Variants in LRIG3 observed in about 807,000 individuals in gnomAD.
The protein encoded by LRIG3 is leucine-rich repeats and immunoglobulin-like domains protein 3.
LRIG3 carries 76 observed loss-of-function variants against 114.5 expected under a neutral mutation model. The ratio of observed to expected loss-of-function variants is 0.66; its 90% CI spans 0.55 to 0.80. The LOEUF (loss-of-function observed/expected upper bound fraction) is 0.80. Among genes scored for constraint, LRIG3 ranks in the 30% least tolerant of loss-of-function variants. The pLI is 0.00. For synonymous variants in LRIG3, 512 were observed against 519.8 expected, an observed-to-expected ratio of 0.98 and a Z score of 0.20; for missense variants, 1,239 against 1,382.8, an observed-to-expected ratio of 0.90 and a Z score of 1.65.
Position 58,874,556 on chromosome 12 carries a change from T to G in LRIG3, c.2713A>C (p.Asn905His), listed in dbSNP as rs757465056. The G allele has an allele frequency of 5.6e-6, 9 of 1,614,228 alleles. No homozygotes were observed. The Admixed American group carries it at 1.5e-4, about 27-fold the overall frequency. ...HDSSGTCHID[N>H]SSEADVEAAT... ...GCTTCCACATCAGCTTCACTGCTAT[T>G]GTCAATATGGCAGGTCCCTTTGAAA... The change falls in exon 17 of 19, where the codon AAT becomes CAT. Residue 905 changes from asparagine (N) to histidine (H), a missense_variant. Physicochemically the swap from Asn to His is moderately conservative, Grantham distance 68. Transcript: ENST00000320743.
At chr12:58,916,359 T>C (rs61921902) in intron 1 of LRIG3, among the ~76,000 whole-genome samples, 4,383 of 152,194 alleles carry the variant, frequency 0.029, 124 homozygotes, top group East Asian at 0.1. Flanking sequence ...CTACATTATA[T>C]GTAGGAGGAA....
chr12:58,872,643 T>C lies in LRIG3; in HGVS notation c.3289A>G (p.Ile1097Val), dbSNP rs763906333. 4 of 1,614,036 alleles carry C rather than the reference T, an allele frequency of 2.5e-6. No individual in the cohort carries two copies. Among genetic ancestry groups the C allele is most frequent in the Admixed American group, 1.7e-5 (1 of 60,006 alleles). The change falls in exon 19 of 19, where the codon ATT becomes GTT. Residue 1097 changes from isoleucine (I) to valine (V), a missense_variant. Ile to Val is a conservative substitution (Grantham distance 29). Coordinates refer to ENST00000320743, the MANE Select transcript of LRIG3 (RefSeq NM_153377.5). ...TCTAAAGTCTGTTTAAAGGTACAAA[T>C]GTGATTTTCTTCCTGAAAATCTGTC... is the stretch of plus-strand genomic sequence containing the variant. The part of the protein sequence containing the change: ...ERTDFQEENH[I>V]CTFKQTLENY...
intron 15 of LRIG3, 57 bp downstream of exon 15, chr12:58,877,343 G>A: frequency 6.5e-7 from 1 of 1,541,130 alleles, no homozygotes; most frequent in South Asian, 1.2e-5. Context: ...AGAAGTATTT[G>A]CAGAACCACA....
rs767026769 is a variant in LRIG3 at position 58,888,315 on chromosome 12, A to G, written c.947+14T>C. 1.2e-6 allele frequency: 2 copies of G among 1,609,458 alleles called. No individual in the cohort carries two copies. The highest frequency in any genetic ancestry group is 1.1e-5 in the South Asian group (1 of 90,922). The stretch of plus-strand genomic sequence containing the variant: ...GCTCTCAAACCTGAGGAGAATAAAT[A>G]AAAGGCAACTCACAGCTCACTGAGC... On this transcript the variant is annotated intron_variant, in intron 7 of 18. Transcript: ENST00000320743.
intron 14 of LRIG3, among the ~76,000 whole-genome samples, chr12:58,878,082 A>G (rs1248143234): frequency 6.6e-6 from 1 of 152,278 alleles, no homozygotes; most frequent in African/African-American, 2.4e-5. Context: ...TTAAAATCTC[A>G]GCTTCCCTCA....
At chr12:58,873,876 A>G (rs1220673185) in intron 18 of LRIG3, 179 bp downstream of exon 18, 16 of 696,314 alleles carry the variant, frequency 2.3e-5, no homozygotes, top group Non-Finnish European at 3.7e-5. Context: ...ATCATCAAGT[A>G]AAATCCCACC....
chr12:58,919,331 T>C (rs772178362), intron 1 of LRIG3: 193 of 1,516,828 alleles, frequency 1.3e-4, no homozygotes, highest in Non-Finnish European at 1.6e-4. Context: ...TCTGAGGAGC[T>C]ACAGAAATCA....
chr12:58,879,723 T>C (rs1392095433), intron 13 of LRIG3, among the ~76,000 whole-genome samples: 1 of 152,236 alleles, frequency 6.6e-6, no homozygotes, highest in Non-Finnish European at 1.5e-5. Context: ...CTGTTAACAG[T>C]GGCTAACAGT....
At chr12:58,888,240 G>A (rs1281245740) in intron 7 of LRIG3, 89 bp downstream of exon 7, 1 of 1,456,148 alleles carries the variant, frequency 6.9e-7, no homozygotes, top group Non-Finnish European at 9.2e-7. Flanking sequence ...ACTTTGTTAT[G>A]AAAATTTCAC....
chr12:58,893,765 AC>A (rs1375234601), intron 3 of LRIG3, among the ~76,000 whole-genome samples: 2 of 152,198 alleles, frequency 1.3e-5, no homozygotes, highest in Non-Finnish European at 2.9e-5. Flanking sequence ...ATGTCCTCCT[AC>A]AAACACTGGA....
chr12:58,890,745 C>T lies in LRIG3; in HGVS notation c.435G>A (p.Gln145=). 2 of 1,605,748 alleles carry T rather than the reference C, an allele frequency of 1.2e-6. No homozygotes were observed. The highest frequency in any genetic ancestry group is 8.5e-7 in the Non-Finnish European group (1 of 1,176,532). The change falls in exon 4 of 19, where the codon CAG becomes CAA. Residue 145 remains glutamine, a synonymous_variant. Coordinates refer to ENST00000320743, the MANE Select transcript of LRIG3 (RefSeq NM_153377.5). The part of the protein sequence containing the change: ...EILPEHLKEF[Q]SLETLDLSSN... ...TGCTAAGGTCCAAAGTTTCAAGGGA[C>T]TGAAACTCTTTCAGATGTTCAGGGA... is the stretch of plus-strand genomic sequence containing the variant.
rs575256838 is a variant in LRIG3 at position 58,872,774 on chromosome 12, T to C, written c.3158A>G (p.Tyr1053Cys). ...ATCTGATGGCTGTCCAAAGCTTGAATAGGCATCTAGGTGAGGTCTCCTGAG... is the reference window on the plus strand; with the variant it reads ...ATCTGATGGCTGTCCAAAGCTTGAACAGGCATCTAGGTGAGGTCTCCTGAG... ...KALRRPHLDA[Y>C]SSFGQPSDCQ... The change falls in exon 19 of 19, where the codon TAT (tyrosine) becomes TGT (cysteine). Residue 1053 changes from tyrosine (Y) to cysteine (C), a missense_variant. Coordinates refer to ENST00000320743, the MANE Select transcript of LRIG3 (RefSeq NM_153377.5). 8 of 1,614,088 alleles carry C rather than the reference T, an allele frequency of 5.0e-6. No individual in the cohort carries two copies. In the East Asian group the frequency reaches 1.6e-4, roughly 31 times the overall value.
At chr12:58,906,125 T>A (rs1245122792) in intron 3 of LRIG3, among the ~76,000 whole-genome samples, 1 of 152,132 alleles carries the variant, frequency 6.6e-6, no homozygotes, top group African/African-American at 2.4e-5. Context: ...AAGGATGGGA[T>A]ATGGTTTCTG....
At chr12:58,906,223 A>G (rs1263254139) in intron 3 of LRIG3, among the ~76,000 whole-genome samples, 2 of 152,210 alleles carry the variant, frequency 1.3e-5, no homozygotes, top group East Asian at 1.9e-4. Context: ...TCCATAATTA[A>G]TATGAAAAAC....
intron 10 of LRIG3, among the ~76,000 whole-genome samples, chr12:58,885,292 A>G (rs1019091796): frequency 2.6e-5 from 4 of 152,212 alleles, no homozygotes; most frequent in African/African-American, 9.6e-5. Flanking sequence ...CAATTCTCAA[A>G]GTAGTGCTAA....
At chr12:58,874,377 T>A (rs749629687) in intron 17 of LRIG3, 47 bp from the exon 18 acceptor site, 2 of 1,610,366 alleles carry the variant, frequency 1.2e-6, no homozygotes, top group South Asian at 2.2e-5. Context: ...AGTTAGCACA[T>A]CTAGAAGTCT....
In LRIG3 at chr12:58,890,813, C is replaced by A; in HGVS notation, c.384-17G>T. On this transcript the variant is annotated splice_polypyrimidine_tract_variant and intron_variant, in intron 3 of 18. Transcript: ENST00000320743. ...TTTCCAGCCCTAGAATTAAAAGAAA[C>A]CACAGTTAACAAGGTTAACGGTACA... The A allele has an allele frequency of 6.3e-7, 1 of 1,593,836 alleles. No homozygotes were observed. The highest frequency in any genetic ancestry group is 8.5e-7 in the Non-Finnish European group (1 of 1,173,054).
At chr12:58,892,417 TTGTG>T (rs1871486626) in intron 3 of LRIG3, among the ~76,000 whole-genome samples, 1 of 152,228 alleles carries the variant, frequency 6.6e-6, no homozygotes, top group Non-Finnish European at 1.5e-5. Context: ...AAAATATATC[TTGTG>T]TATTTTTTGC....
At chr12:58,890,821 A>T in intron 3 of LRIG3, 25 bp from the exon 4 acceptor site, 1 of 1,590,416 alleles carries the variant, frequency 6.3e-7, no homozygotes, top group Non-Finnish European at 8.5e-7. Flanking sequence ...AACCACAGTT[A>T]ACAAGGTTAA....
Sources: gnomAD v4.1 joint callset for allele counts (sites outside exome capture counted in the v4.1 genomes callset) on GRCh38, gnomAD v4.1.1 for gene constraint, MANE v1.5 for transcripts, NCBI Gene and HGNC (gene_info 2026-07-23, HGNC 2026-07-21) for gene names.